Variants in SEMA3C observed in about 807,000 individuals in gnomAD.
SEMA3C encodes semaphorin 3C, also known as semaphorin-3C.
A neutral mutation model predicts 89.4 loss-of-function variants in SEMA3C; 47 were observed. The observed-to-expected ratio is 0.53, with a 90% CI of 0.42 to 0.67. The LOEUF is 0.67. Among genes scored for constraint, SEMA3C ranks in the 30% least tolerant of loss-of-function variants. The pLI is 0.00. For missense variants in SEMA3C, 839 were observed against 929.1 expected, an observed-to-expected ratio of 0.90 and a Z score of 1.26; for synonymous variants, 310 against 320.2, an observed-to-expected ratio of 0.97 and a Z score of 0.34.
intron 2 of SEMA3C, among the ~76,000 whole-genome samples, chr7:80,903,270 G>A (rs1017770193): frequency 1.3e-5 from 2 of 152,100 alleles, no homozygotes; most frequent in African/African-American, 2.4e-5. Flanking sequence ...TGTACAGCAC[G>A]TTACTGTACA....
At chr7:80,747,198 A>G (rs1212764715) in intron 17 of SEMA3C, among the ~76,000 whole-genome samples, 1 of 152,060 alleles carries the variant, frequency 6.6e-6, no homozygotes, top group Non-Finnish European at 1.5e-5. Context: ...TTGAGATTGG[A>G]AAAAAAGTCA....
chr7:80,856,452 A>C (rs1035617036), intron 2 of SEMA3C, among the ~76,000 whole-genome samples: 16 of 150,860 alleles, frequency 1.1e-4, no homozygotes, highest in African/African-American at 3.9e-4. Context: ...AAAGGCTGGC[A>C]CTGCCATGCA....
rs1158170516 is a variant in SEMA3C, at chr7:80,805,771, AAATATC to A, written c.539-19_539-14del. The A allele has an allele frequency of 1.3e-6, 2 of 1,565,994 alleles. No individual in the cohort carries two copies. Among genetic ancestry groups the A allele is most frequent in the Non-Finnish European group, 1.7e-6 (2 of 1,150,512 alleles). ...AAAAGCTCCTCATCTATGAAAAAGA[AAATATC>A]AATGAAATGTAAATTTTTAAAGCTA... On this transcript the variant is annotated splice_polypyrimidine_tract_variant and intron_variant, in intron 6 of 17. Coordinates refer to ENST00000265361, the MANE Select transcript of SEMA3C (RefSeq NM_006379.5).
rs528356608 is a variant in SEMA3C, at chr7:80,744,069, A to G, written c.*825T>C. ...TTATATTGTTTAATTTGCCACACAG[A>G]CTAGGGAATAAGAGAACAAACAGTA... On this transcript the variant is annotated 3_prime_UTR_variant, in exon 18 of 18. Coordinates refer to ENST00000265361, the MANE Select transcript of SEMA3C (RefSeq NM_006379.5). 1 of 152,152 alleles carries G rather than the reference A, an allele frequency of 6.6e-6. No individual in the cohort carries two copies. The highest frequency in any genetic ancestry group is 2.1e-4 in the South Asian group (1 of 4,828). The allele number at this position is 152,152 out of a possible 1,614,324, so 9.4% of individuals were successfully genotyped here.
intron 2 of SEMA3C, among the ~76,000 whole-genome samples, chr7:80,888,529 T>A (rs1050147693): frequency 1.3e-5 from 2 of 152,130 alleles, no homozygotes; most frequent in Non-Finnish European, 2.9e-5. Context: ...GACGTGAACA[T>A]TAAGTCCAAT....
chr7:80,918,126 A>G (rs998676162), intron 1 of SEMA3C, among the ~76,000 whole-genome samples: 1 of 152,182 alleles, frequency 6.6e-6, no homozygotes, highest in Non-Finnish European at 1.5e-5. Flanking sequence ...TCCCTAAATT[A>G]ACTTAGAAAG....
intron 5 of SEMA3C, 35 bp downstream of exon 5, chr7:80,818,264 T>G: frequency 6.5e-7 from 1 of 1,540,122 alleles, no homozygotes; most frequent in Non-Finnish European, 8.8e-7. Context: ...TTGACACTAA[T>G]ATCAAAACTA....
At chr7:80,909,282 C>A (rs1000896316) in intron 2 of SEMA3C, among the ~76,000 whole-genome samples, 1 of 152,134 alleles carries the variant, frequency 6.6e-6, no homozygotes, top group Non-Finnish European at 1.5e-5. Context: ...CATTCTGTCT[C>A]CCTTCTCTGA....
chr7:80,812,039 TA>T (rs1007190959), intron 5 of SEMA3C, among the ~76,000 whole-genome samples: 5 of 152,132 alleles, frequency 3.3e-5, no homozygotes, highest in Non-Finnish European at 5.9e-5. Context: ...AAAGGTAACC[TA>T]AAAAGGTAAA....
intron 1 of SEMA3C, among the ~76,000 whole-genome samples, chr7:80,917,577 A>G (rs1418938396): frequency 2.0e-5 from 3 of 152,228 alleles, no homozygotes; most frequent in Middle Eastern, 6.3e-3. Context: ...GACAGGTGTC[A>G]CTGCTTCAAA....
chr7:80,753,775 T>G (rs1787991563), intron 15 of SEMA3C, among the ~76,000 whole-genome samples: 1 of 152,214 alleles, frequency 6.6e-6, no homozygotes, highest in African/African-American at 2.4e-5. Context: ...ATTGGTCTGA[T>G]TATCTTGTCT....
At chr7:80,846,040 T>C (rs1223659809) in intron 2 of SEMA3C, among the ~76,000 whole-genome samples, 2 of 152,118 alleles carry the variant, frequency 1.3e-5, no homozygotes, top group Non-Finnish European at 2.9e-5. Context: ...AGTCATAAAA[T>C]ATTTCATGCA....
At position 80,758,313 on chromosome 7, in the gene SEMA3C, C is replaced by T. The variant is rs1583849534; in HGVS notation, c.1643+18G>A. 10 of 1,599,926 alleles carry T rather than the reference C, an allele frequency of 6.3e-6. No individual in the cohort carries two copies. The highest frequency in any genetic ancestry group is 3.3e-5 in the South Asian group (3 of 89,946). ...GGTGTCCTACATTTGGATGTTGAGC[C>T]GAGTGTTTAGTGCTCACCGTTTCCC... On this transcript the variant is annotated intron_variant, in intron 15 of 17. Coordinates refer to ENST00000265361, the MANE Select transcript of SEMA3C (RefSeq NM_006379.5).
intron 13 of SEMA3C, among the ~76,000 whole-genome samples, chr7:80,763,757 G>C (rs1408190954): frequency 6.6e-6 from 1 of 152,036 alleles, no homozygotes; most frequent in African/African-American, 2.4e-5. Flanking sequence ...AAGGCACTTC[G>C]TATTATTTTA....
chr7:80,850,254 A>T (rs1461215932), intron 2 of SEMA3C, among the ~76,000 whole-genome samples: 1 of 152,156 alleles, frequency 6.6e-6, no homozygotes, highest in East Asian at 1.9e-4. Context: ...TATCTACTCA[A>T]TTTGAATGTA....
chr7:80,861,205 C>T (rs1040739460), intron 2 of SEMA3C, among the ~76,000 whole-genome samples: 1 of 151,998 alleles, frequency 6.6e-6, no homozygotes, highest in African/African-American at 2.4e-5. Flanking sequence ...ATTCCTAAAG[C>T]ATCAGTTTAT....
chr7:80,861,306 T>C (rs1015684581), intron 2 of SEMA3C, among the ~76,000 whole-genome samples: 2 of 152,164 alleles, frequency 1.3e-5, no homozygotes, highest in African/African-American at 2.4e-5. Flanking sequence ...GAAAACTTAC[T>C]ATATATATTA....
At chr7:80,839,603 T>G (rs1790216203) in intron 2 of SEMA3C, among the ~76,000 whole-genome samples, 1 of 152,090 alleles carries the variant, frequency 6.6e-6, no homozygotes, top group African/African-American at 2.4e-5. Flanking sequence ...CAGGCTATAT[T>G]CAATATGGAA....
intron 2 of SEMA3C, 128 bp from the exon 3 acceptor site, chr7:80,828,873 A>G: frequency 1.4e-6 from 1 of 721,372 alleles, no homozygotes; most frequent in Non-Finnish European, 2.1e-6. Context: ...GTAAGAAATT[A>G]ATTTTAAAAT....
Sources: allele counts gnomAD v4.1 joint callset (sites outside exome capture counted in the v4.1 genomes callset), GRCh38; gene constraint gnomAD v4.1.1; transcripts MANE v1.5; gene names NCBI Gene and HGNC (gene_info 2026-07-23, HGNC 2026-07-21).